The following LPP variants were observed in gnomAD, a reference collection of about 807,000 sequenced individuals.
LPP encodes LIM domain containing preferred translocation partner in lipoma.
In LPP, 38 loss-of-function variants were observed where a neutral mutation model predicts 60.4. The observed-to-expected ratio is 0.63, with a 90% CI of 0.49 to 0.83. The LOEUF is 0.83. LPP is among the 40% of genes least tolerant of loss of function. The probability of loss-of-function intolerance (pLI) is 0.00; values close to 1 mark genes in which losing one functional copy is unlikely to be tolerated. For synonymous variants in LPP, 328 were observed against 290.8 expected, an observed-to-expected ratio of 1.13 and a Z score of -1.30; for missense variants, 902 against 783.6, an observed-to-expected ratio of 1.15 and a Z score of -1.80.
chr3:188,232,504 A>AT (rs71634069), intron 2 of LPP, among the ~76,000 whole-genome samples: 36,104 of 101,814 alleles, frequency 0.35, 6,164 homozygotes, highest in East Asian at 0.49. Flanking sequence ...ACACCCGGCT[A>AT]TTTTTTTTTT....
chr3:188,241,278 T>G (rs1724681904), intron 2 of LPP, among the ~76,000 whole-genome samples: 1 of 152,312 alleles, frequency 6.6e-6, no homozygotes, highest in South Asian at 2.1e-4. Context: ...ATGCTGTACG[T>G]TTCTCCAGCT....
At chr3:188,179,211 GCCA>G (rs1292802044) in intron 1 of LPP, 1 of 456,740 alleles carries the variant, frequency 2.2e-6, no homozygotes, top group Non-Finnish European at 4.4e-6. Context: ...TTTTGAATTT[GCCA>G]CCGTGAAGAG....
chr3:188,716,560 G>A (rs539596833), intron 8 of LPP, among the ~76,000 whole-genome samples: 209 of 152,322 alleles, frequency 1.4e-3, no homozygotes, highest in South Asian at 6.0e-3. Context: ...GGTATGGAGA[G>A]AGGAAAACCT....
At chr3:188,393,946 A>C (rs1025277831) in intron 3 of LPP, among the ~76,000 whole-genome samples, 1 of 152,162 alleles carries the variant, frequency 6.6e-6, no homozygotes, top group Non-Finnish European at 1.5e-5. Flanking sequence ...CCCAAATTAA[A>C]GTATGTTTTG....
chr3:188,258,225 T>G (rs1439893838), intron 2 of LPP, among the ~76,000 whole-genome samples: 1 of 152,232 alleles, frequency 6.6e-6, no homozygotes, highest in Admixed American at 6.5e-5. Context: ...TTCTTCCCAT[T>G]TATTTGAGTT....
At chr3:188,241,588 A>G (rs1724863321) in intron 2 of LPP, among the ~76,000 whole-genome samples, 1 of 152,126 alleles carries the variant, frequency 6.6e-6, no homozygotes, top group African/African-American at 2.4e-5. Context: ...CCGTGTTATA[A>G]TATACTTGAG....
chr3:188,188,915 A>G (rs1727357728), intron 1 of LPP, among the ~76,000 whole-genome samples: 1 of 152,018 alleles, frequency 6.6e-6, no homozygotes, highest in Non-Finnish European at 1.5e-5. Context: ...ATAGATGAAC[A>G]CTGATCATAC....
At chr3:188,379,679 T>C (rs529758884) in intron 3 of LPP, among the ~76,000 whole-genome samples, 2 of 152,342 alleles carry the variant, frequency 1.3e-5, no homozygotes, top group Admixed American at 6.5e-5. Context: ...TATATAAACA[T>C]CATACAACAT....
intron 4 of LPP, among the ~76,000 whole-genome samples, chr3:188,420,696 G>T (rs1419230901): frequency 6.6e-6 from 1 of 152,102 alleles, no homozygotes; most frequent in Non-Finnish European, 1.5e-5. Flanking sequence ...TAACATCTCT[G>T]TCTAGGGGTC....
chr3:188,688,693 G>A (rs971254406), intron 7 of LPP: 26 of 437,010 alleles, frequency 5.9e-5, no homozygotes, highest in Non-Finnish European at 1.1e-4. Context: ...TCTAAATATG[G>A]CTTGTCTATT....
intron 4 of LPP, among the ~76,000 whole-genome samples, chr3:188,468,117 C>T (rs959767907): frequency 2.0e-5 from 3 of 152,106 alleles, no homozygotes; most frequent in Admixed American, 6.6e-5. Context: ...AATGTCCTGT[C>T]AAACACCAGA....
chr3:188,295,715 G>A (rs936462538), intron 2 of LPP, among the ~76,000 whole-genome samples: 7 of 152,078 alleles, frequency 4.6e-5, no homozygotes, highest in Non-Finnish European at 8.8e-5. Context: ...CAAAATTTCT[G>A]TAGAGATGGG....
At chr3:188,452,376 C>T (rs1796794882) in intron 4 of LPP, among the ~76,000 whole-genome samples, 2 of 152,054 alleles carry the variant, frequency 1.3e-5, no homozygotes, top group African/African-American at 4.8e-5. Flanking sequence ...CCCCCACCTC[C>T]TCTTGTTTCC....
At chr3:188,729,929 G>A (rs1330520044) in intron 8 of LPP, among the ~76,000 whole-genome samples, 1 of 152,030 alleles carries the variant, frequency 6.6e-6, no homozygotes, top group Non-Finnish European at 1.5e-5. Flanking sequence ...TTTGGTGGCT[G>A]CAGTGAGCTG....
chr3:188,843,491 A>C (rs2151762385), intron 9 of LPP, among the ~76,000 whole-genome samples: 1 of 152,240 alleles, frequency 6.6e-6, no homozygotes, highest in East Asian at 1.9e-4. Flanking sequence ...CGGTCCCTTA[A>C]AAATCCCTCC....
chr3:188,641,864 G>T (rs1850208843), intron 7 of LPP, among the ~76,000 whole-genome samples: 1 of 152,174 alleles, frequency 6.6e-6, no homozygotes, highest in Admixed American at 6.5e-5. Context: ...TGTTCTGATA[G>T]AAACTCCCTG....
intron 3 of LPP, among the ~76,000 whole-genome samples, chr3:188,395,407 AT>A (rs372438175): frequency 5.4e-5 from 8 of 148,836 alleles, no homozygotes; most frequent in East Asian, 2.0e-4. Flanking sequence ...AATTATTATT[AT>A]TTTTTTTTTC....
chr3:188,217,108 C>T lies in LPP; in HGVS notation c.-189-8297C>T, dbSNP rs1050160008. Among the ~76,000 whole-genome samples, 7 of 152,182 alleles carry T rather than the reference C, an allele frequency of 4.6e-5. No individual in the cohort carries two copies. Among genetic ancestry groups the T allele is most frequent in the African/African-American group, 7.2e-5 (3 of 41,448 alleles). Reference sequence around the variant, plus strand: ...TGTGAAGGAGGCAGATAAAGGAACACTTAAACAAGAGGGACTGATAAGTAA... The same window carrying T: ...TGTGAAGGAGGCAGATAAAGGAACATTTAAACAAGAGGGACTGATAAGTAA... On this transcript the variant is annotated intron_variant, in intron 1 of 11. Coordinates refer to ENST00000617246, the MANE Select transcript of LPP (RefSeq NM_001375462.1). The surrounding 1 kb of genome is among the most constrained non-coding windows in gnomAD (Gnocchi z 4.0).
Position 188,868,375 on chromosome 3 carries a change from G to A in LPP, c.1589+1997G>A, listed in dbSNP as rs931971495. ...TCTAGGGGTAGGGAGCATAATTAGA[G>A]ACTGGTGACTGATGACATCAGTTTG... is the stretch of plus-strand genomic sequence containing the variant. On this transcript the variant is annotated intron_variant, in intron 10 of 11. Transcript: ENST00000617246. Among the ~76,000 whole-genome samples the A allele has an allele frequency of 2.6e-5, 4 of 152,122 alleles. No individual in the cohort carries two copies. In the South Asian group the frequency reaches 8.3e-4, roughly 32 times the overall value.
Sources: allele counts gnomAD v4.1 joint callset (sites outside exome capture counted in the v4.1 genomes callset), GRCh38; gene constraint gnomAD v4.1.1; non-coding constraint Gnocchi (gnomAD v3.1); transcripts MANE v1.5; gene names NCBI Gene and HGNC (gene_info 2026-07-23, HGNC 2026-07-21).